IGSF9B: variants seen among roughly 807,000 people sequenced by gnomAD.
IGSF9B encodes protein turtle homolog B.
Under a neutral mutation model 143.7 loss-of-function variants are expected in IGSF9B, and 48 were observed. That is an observed-to-expected ratio of 0.33 (90% confidence interval 0.26 to 0.42). IGSF9B has a LOEUF of 0.42. IGSF9B is among the 20% of genes least tolerant of loss of function. IGSF9B has a pLI of 1.00. For missense variants in IGSF9B, 1,706 were observed against 1,980.0 expected, an observed-to-expected ratio of 0.86 and a Z score of 2.63; for synonymous variants, 903 against 833.1, an observed-to-expected ratio of 1.08 and a Z score of -1.44.
chr11:133,915,475 T>A (rs1047286881), intron 18 of IGSF9B, among the ~76,000 whole-genome samples: 5 of 152,144 alleles, frequency 3.3e-5, no homozygotes, highest in African/African-American at 1.2e-4. Context: ...TTCACTATGT[T>A]GCCCAGGCTG....
intron 18 of IGSF9B, among the ~76,000 whole-genome samples, chr11:133,917,359 G>A (rs1939407705): frequency 6.6e-6 from 1 of 152,118 alleles, no homozygotes; most frequent in Non-Finnish European, 1.5e-5. Flanking sequence ...GACACTCAAG[G>A]AGAGGCTGAC....
At chr11:133,919,556 C>T (rs2121287090) in intron 18 of IGSF9B, among the ~76,000 whole-genome samples, 186 bp downstream of exon 18, 1 of 152,306 alleles carries the variant, frequency 6.6e-6, no homozygotes, top group South Asian at 2.1e-4. Context: ...CAGGTGGGCC[C>T]GCTGCGCCCC....
intron 1 of IGSF9B, among the ~76,000 whole-genome samples, chr11:133,955,638 G>A (rs898200362): frequency 2.0e-5 from 3 of 152,192 alleles, no homozygotes; most frequent in African/African-American, 7.2e-5. Flanking sequence ...TCTGCGCGCT[G>A]ACAGCCCTGA....
At chr11:133,930,818 G>C (rs1034422864) in intron 11 of IGSF9B, among the ~76,000 whole-genome samples, 166 bp downstream of exon 11, 1 of 152,014 alleles carries the variant, frequency 6.6e-6, no homozygotes, top group African/African-American at 2.4e-5. Context: ...GAGCCCACGG[G>C]GGCAAAGGCT....
In IGSF9B at chr11:133,903,959, A is replaced by C. The variant is rs972999788; in HGVS notation, c.*5110T>G. On this transcript the variant is annotated 3_prime_UTR_variant, in exon 20 of 20. Coordinates refer to ENST00000533871, the MANE Select transcript of IGSF9B (RefSeq NM_001277285.4). Reference sequence around the variant, plus strand: ...TCATTCTGCCTCTTAATCTAAAAAGAAGCAGAGCTGGAGACATTAAAGAGA... The same window carrying C: ...TCATTCTGCCTCTTAATCTAAAAAGCAGCAGAGCTGGAGACATTAAAGAGA... Among the ~76,000 whole-genome samples the C allele has an allele frequency of 3.3e-5, 5 of 152,214 alleles. No homozygotes were observed. Among genetic ancestry groups the C allele is most frequent in the African/African-American group, 1.2e-4 (5 of 41,462 alleles).
chr11:133,943,083 G>C (rs1318290306), intron 3 of IGSF9B, among the ~76,000 whole-genome samples: 1 of 152,128 alleles, frequency 6.6e-6, no homozygotes, highest in Non-Finnish European at 1.5e-5. Context: ...CTTCGGAGCA[G>C]ATAAAAACTG....
In IGSF9B at chr11:133,919,884, C is replaced by T. The variant is rs776084206; in HGVS notation, c.3841G>A (p.Gly1281Ser). Residue 1281 changes from glycine to serine, a missense_variant, in exon 18 of 20, where the codon GGC becomes AGC. Gly to Ser is a moderately conservative substitution (Grantham distance 56, BLOSUM62 0). Transcript: ENST00000533871. ...PAMGFTTLAT[G>S]YPSPPPGPAP... ...GGGCCGGGTGGAGGGGAAGGGTAGCCGGTGGCCAGAGTGGTGAAGCCCATG... is the reference window on the plus strand; with the variant it reads ...GGGCCGGGTGGAGGGGAAGGGTAGCTGGTGGCCAGAGTGGTGAAGCCCATG... 4 of 1,584,676 alleles carry T rather than the reference C, an allele frequency of 2.5e-6. No individual in the cohort carries two copies. The highest frequency in any genetic ancestry group is 1.4e-5 in the African/African-American group (1 of 74,028).
At chr11:133,923,667 G>A (rs1762552078) in intron 15 of IGSF9B, among the ~76,000 whole-genome samples, 1 of 152,272 alleles carries the variant, frequency 6.6e-6, no homozygotes, top group East Asian at 1.9e-4. Context: ...AGATGATGCT[G>A]ATTGTCTGAG....
intron 7 of IGSF9B, 82 bp downstream of exon 7, chr11:133,935,535 G>T: frequency 7.0e-7 from 1 of 1,427,178 alleles, no homozygotes; most frequent in Non-Finnish European, 9.4e-7. Context: ...CTTGGTCTTT[G>T]CTACCCTCCA....
intron 18 of IGSF9B, chr11:133,918,909 G>A: frequency 2.2e-6 from 1 of 456,256 alleles, no homozygotes; most frequent in South Asian, 1.6e-5. Flanking sequence ...AAGGAAGATA[G>A]GAGAGAGAAA....
chr11:133,911,270 C>T (rs997786909), intron 19 of IGSF9B, among the ~76,000 whole-genome samples: 15 of 152,204 alleles, frequency 9.9e-5, no homozygotes, highest in Admixed American at 3.9e-4. Context: ...GCTAGATACA[C>T]ATCGGACATA....
rs1939509303 is a variant in IGSF9B, at chr11:133,920,602, G to A, written c.3123C>T (p.Gly1041=). The A allele has an allele frequency of 5.0e-6, 8 of 1,613,488 alleles. No individual in the cohort carries two copies. The East Asian group carries it at 1.8e-4, about 36-fold the overall frequency. The change falls in exon 18 of 20, where the codon GGC becomes GGT. Residue 1041 remains glycine, a synonymous_variant. Transcript: ENST00000533871. ...PTGGRSPEPW[G]RPEFPFGGLE... The stretch of plus-strand genomic sequence containing the variant: ...GCCCCCCGAAGGGGAATTCTGGCCG[G>A]CCCCAGGGCTCAGGGGAGCGCCCTC...
At chr11:133,915,109 T>G (rs890046922) in intron 18 of IGSF9B, among the ~76,000 whole-genome samples, 2 of 152,156 alleles carry the variant, frequency 1.3e-5, no homozygotes, top group Admixed American at 6.5e-5. Flanking sequence ...CAGCCTACAC[T>G]GTTCTAAAGC....
In IGSF9B at chr11:133,953,970, AC is replaced by A. The variant is rs1940208264; in HGVS notation, c.64+2720del. ...GAGCCCATTCCAACCTCTGTCCCGC[AC>A]CCGAGGGCTGATGGAGTCGGGTCCC... is the stretch of plus-strand genomic sequence containing the variant. On this transcript the variant is annotated intron_variant, in intron 1 of 19. Transcript: ENST00000533871. The surrounding 1 kb of genome is among the most constrained non-coding windows in gnomAD (Gnocchi z 4.2). 6.6e-6 allele frequency among the ~76,000 whole-genome samples: 1 copy of A among 151,988 alleles called. No individual in the cohort carries two copies. The highest frequency in any genetic ancestry group is 2.1e-4 in the South Asian group (1 of 4,808).
Position 133,906,638 on chromosome 11 carries a change from T to G in IGSF9B, c.*2431A>C, listed in dbSNP as rs1939213864. On this transcript the variant is annotated 3_prime_UTR_variant, in exon 20 of 20. Transcript: ENST00000533871. ...ATGGCCTGAGCATCTCAGCCTCTCA[T>G]GACATCCGAAAGAAGCAAAGCCTTC... 6.6e-6 allele frequency among the ~76,000 whole-genome samples: 1 copy of G among 152,202 alleles called. No homozygotes were observed. Among genetic ancestry groups the G allele is most frequent in the Admixed American group, 6.5e-5 (1 of 15,288 alleles).
chr11:133,920,373 C>CG lies in IGSF9B; in HGVS notation c.3351dup (p.Ala1118ArgfsTer37), dbSNP rs769568183. 2.5e-6 allele frequency: 4 copies of CG among 1,603,578 alleles called. No individual in the cohort carries two copies. The highest frequency in any genetic ancestry group is 1.7e-6 in the Non-Finnish European group (2 of 1,175,810). ...ATAGGTCTGTCCTGCCACTTGGCGG[C>CG]GGGGGGCGCTGGGACAGGGCCCCTG... On this transcript the variant is annotated frameshift_variant, in exon 18 of 20. Transcript: ENST00000533871. LOFTEE classifies it high-confidence loss of function.
At chr11:133,956,598 CG>C (rs1268578404) in intron 1 of IGSF9B, 92 bp downstream of exon 1, 8 of 855,322 alleles carry the variant, frequency 9.4e-6, no homozygotes, top group East Asian at 3.4e-5. Context: ...GCTGGGGAAC[CG>C]GGGGGCCAAG....
In IGSF9B at chr11:133,913,400, CG is replaced by C. The variant is rs1939330215; in HGVS notation, c.3984-1394del. Among the ~76,000 whole-genome samples, 1 of 152,202 alleles carries C rather than the reference CG, an allele frequency of 6.6e-6. No individual in the cohort carries two copies. Among genetic ancestry groups the C allele is most frequent in the East Asian group, 1.9e-4 (1 of 5,170 alleles). Reference sequence around the variant, plus strand: ...AGCATCAAATATGTTGGCAGCAAGGCGGGAAGAGGAGACTTACACACTAATT... The same window carrying C: ...AGCATCAAATATGTTGGCAGCAAGGCGGAAGAGGAGACTTACACACTAATT... On this transcript the variant is annotated intron_variant, in intron 18 of 19. Transcript: ENST00000533871. This position sits in a 1 kb window ranked among gnomAD's most constrained non-coding sequence, Gnocchi z 4.6.
chr11:133,916,057 G>A (rs975954389), intron 18 of IGSF9B, among the ~76,000 whole-genome samples: 2 of 152,160 alleles, frequency 1.3e-5, no homozygotes, highest in African/African-American at 4.8e-5. Flanking sequence ...GCTGACCCAG[G>A]ACAGGGGCCA....
Sources: allele counts gnomAD v4.1 joint callset (sites outside exome capture counted in the v4.1 genomes callset), GRCh38; gene constraint gnomAD v4.1.1; non-coding constraint Gnocchi (gnomAD v3.1); transcripts MANE v1.5; gene names NCBI Gene and HGNC (gene_info 2026-07-23, HGNC 2026-07-21).